ULK4: variants seen among roughly 807,000 people sequenced by gnomAD.
ULK4 encodes the protein inactive serine/threonine-protein kinase ULK4.
ULK4 carries 133 observed loss-of-function variants against 160.6 expected under a neutral mutation model. The ratio of observed to expected loss-of-function variants is 0.83; its 90% CI spans 0.72 to 0.96. ULK4 has a LOEUF of 0.96. Ranked by LOEUF, ULK4 falls within the 40% of genes least tolerant of loss-of-function variation. The pLI is 0.00. For synonymous variants in ULK4, 534 were observed against 539.8 expected, an observed-to-expected ratio of 0.99 and a Z score of 0.15; for missense variants, 1,580 against 1,499.5, an observed-to-expected ratio of 1.05 and a Z score of -0.89.
chr3:41,648,436 A>C (rs1274418714), intron 30 of ULK4, among the ~76,000 whole-genome samples: 2 of 152,226 alleles, frequency 1.3e-5, no homozygotes, highest in African/African-American at 4.8e-5. Flanking sequence ...AACAATAACA[A>C]GGCCTTAGGA....
At chr3:41,442,218 G>A (rs1470950993) in intron 34 of ULK4, among the ~76,000 whole-genome samples, 1 of 152,132 alleles carries the variant, frequency 6.6e-6, no homozygotes, top group Non-Finnish European at 1.5e-5. Context: ...AGCCAGGACA[G>A]GACAGAGGAG....
At chr3:41,857,397 A>T (rs1429162166) in intron 17 of ULK4, among the ~76,000 whole-genome samples, 1 of 151,994 alleles carries the variant, frequency 6.6e-6, no homozygotes, top group Non-Finnish European at 1.5e-5. Flanking sequence ...ACTAGCCCAT[A>T]GTTTTCTTTT....
At chr3:41,614,071 A>G (rs1559433294) in intron 31 of ULK4, among the ~76,000 whole-genome samples, 1 of 152,248 alleles carries the variant, frequency 6.6e-6, no homozygotes, top group Non-Finnish European at 1.5e-5. Context: ...TTAATCAAGT[A>G]TGAAGGTGTT....
At chr3:41,646,677 T>A (rs1312100460) in intron 30 of ULK4, among the ~76,000 whole-genome samples, 1 of 152,170 alleles carries the variant, frequency 6.6e-6, no homozygotes, top group Non-Finnish European at 1.5e-5. Context: ...TGTCTTGGAG[T>A]TGCTCTTCTC....
chr3:41,835,277 A>G (rs1457621274), intron 18 of ULK4, among the ~76,000 whole-genome samples: 1 of 152,204 alleles, frequency 6.6e-6, no homozygotes, highest in Non-Finnish European at 1.5e-5. Flanking sequence ...ATTTATTTAG[A>G]ACTCTCAGAG....
rs1559658178 is a variant in ULK4 at position 41,506,777 on chromosome 3, T to TATATAA, written c.3227-43525_3227-43524insTTATAT. Among the ~76,000 whole-genome samples, 34 of 17,436 alleles carry TATATAA rather than the reference T, an allele frequency of 1.9e-3. 3 individuals carry two copies. The highest frequency in any genetic ancestry group is 4.2e-3 in the African/African-American group (32 of 7,572). The allele number at this position is 17,436 out of a possible 152,430, so 11.4% of individuals were successfully genotyped here. ...TGGAGTGTGATTTAAAATATATATA[T>TATATAA]ATATATATATATATATATATATATA... On this transcript the variant is annotated intron_variant, in intron 32 of 36. Coordinates refer to ENST00000301831, the MANE Select transcript of ULK4 (RefSeq NM_017886.4).
intron 29 of ULK4, among the ~76,000 whole-genome samples, chr3:41,679,260 A>G (rs61057872): frequency 0.066 from 9,998 of 152,242 alleles, 666 homozygotes; most frequent in African/African-American, 0.17. Flanking sequence ...TCAAGAGGGT[A>G]CTATTTGCCA....
rs752576516 is a variant in ULK4 at position 41,566,051 on chromosome 3, G to A, written c.3200C>T (p.Ser1067Leu). Residue 1067 changes from serine to leucine, a missense_variant, in exon 32 of 37, where the codon TCG becomes TTG. Coordinates refer to ENST00000301831, the MANE Select transcript of ULK4 (RefSeq NM_017886.4). ...LLSNLVACKD[S>L]NMELLYEQGL... ...TTGTTCATAAAGTAGTTCCATATTCGAATCTTTGCAGGCAACTAGATTGCT... is the reference window on the plus strand; with the variant it reads ...TTGTTCATAAAGTAGTTCCATATTCAAATCTTTGCAGGCAACTAGATTGCT... The A allele has an allele frequency of 1.2e-5, 20 of 1,613,110 alleles. No homozygotes were observed. In the Admixed American group the frequency reaches 2.0e-4, roughly 16 times the overall value.
rs149656694 is a variant in ULK4, at chr3:41,472,642, C to G, written c.3227-9389G>C. ...GAATAAATAGTAAAAAGTCTTCCGT[C>G]AAAGAAAAGCCCAGGACCTAATGGC... On this transcript the variant is annotated intron_variant, in intron 32 of 36. Coordinates refer to ENST00000301831, the MANE Select transcript of ULK4 (RefSeq NM_017886.4). Among the ~76,000 whole-genome samples the G allele has an allele frequency of 3.4e-4, 52 of 151,848 alleles. No homozygotes were observed. In the East Asian group the frequency reaches 9.9e-3, roughly 29 times the overall value.
chr3:41,697,834 T>C (rs1222702577), intron 27 of ULK4, among the ~76,000 whole-genome samples: 1 of 152,210 alleles, frequency 6.6e-6, no homozygotes, highest in Non-Finnish European at 1.5e-5. Context: ...GTGAACAGTG[T>C]TGATCATGTC....
rs922986041 is a variant in ULK4 at position 41,692,230 on chromosome 3, C to T, written c.2782-10426G>A. On this transcript the variant is annotated intron_variant, in intron 27 of 36. Coordinates refer to ENST00000301831, the MANE Select transcript of ULK4 (RefSeq NM_017886.4). ...CCTCCCAAAGTGCTGGGATTACAGG[C>T]GTGAGCCACCGCGCCGGCCCATTAA... is the stretch of plus-strand genomic sequence containing the variant. Among the ~76,000 whole-genome samples the T allele has an allele frequency of 2.0e-4, 29 of 148,576 alleles. 1 individual carries two copies. Among genetic ancestry groups the T allele is most frequent in the Non-Finnish European group, 3.9e-4 (26 of 65,952 alleles).
intron 27 of ULK4, among the ~76,000 whole-genome samples, chr3:41,690,430 A>C (rs181869816): frequency 6.6e-6 from 1 of 151,206 alleles, no homozygotes; most frequent in Non-Finnish European, 1.5e-5. Flanking sequence ...ACCCTAAAGT[A>C]TAATAATAAT....
chr3:41,280,127 C>T (rs545570900), intron 35 of ULK4, among the ~76,000 whole-genome samples: 57 of 152,284 alleles, frequency 3.7e-4, no homozygotes, highest in Non-Finnish European at 7.1e-4. Context: ...AATATATATG[C>T]ACCCAATACA....
intron 35 of ULK4, among the ~76,000 whole-genome samples, chr3:41,366,380 A>T (rs747401884): frequency 4.6e-5 from 7 of 152,190 alleles, no homozygotes; most frequent in Non-Finnish European, 8.8e-5. Flanking sequence ...GATATTGGAA[A>T]TATAATTCCC....
chr3:41,441,464 G>T (rs1471994219), intron 34 of ULK4, among the ~76,000 whole-genome samples: 1 of 151,284 alleles, frequency 6.6e-6, no homozygotes, highest in Admixed American at 6.6e-5. Flanking sequence ...TTTTAAATTG[G>T]CTTTTAATTC....
chr3:41,305,735 G>A (rs1420649794), intron 35 of ULK4, among the ~76,000 whole-genome samples: 1 of 150,796 alleles, frequency 6.6e-6, no homozygotes, highest in Non-Finnish European at 1.5e-5. Flanking sequence ...GGAAAGTGAG[G>A]AGCGTCTCTG....
At chr3:41,647,574 T>C (rs1363326802) in intron 30 of ULK4, among the ~76,000 whole-genome samples, 4 of 152,172 alleles carry the variant, frequency 2.6e-5, no homozygotes, top group African/African-American at 4.8e-5. Context: ...AGAGGAGTAC[T>C]GGGCCGTGTG....
intron 14 of ULK4, among the ~76,000 whole-genome samples, chr3:41,897,415 A>C (rs943303397): frequency 2.0e-5 from 3 of 152,228 alleles, no homozygotes; most frequent in African/African-American, 7.2e-5. Flanking sequence ...TATTGTAAAA[A>C]AAATAACGAG....
chr3:41,721,279 T>TTTG (rs1553639845), intron 22 of ULK4, among the ~76,000 whole-genome samples: 30 of 98,896 alleles, frequency 3.0e-4, no homozygotes, highest in Non-Finnish European at 4.1e-4. Flanking sequence ...TTTTTTTTTT[T>TTTG]TTTTTGGGTT....
Sources: gnomAD v4.1 joint callset for allele counts (sites outside exome capture counted in the v4.1 genomes callset) on GRCh38, gnomAD v4.1.1 for gene constraint, MANE v1.5 for transcripts, NCBI Gene and HGNC (gene_info 2026-07-23, HGNC 2026-07-21) for gene names.